RASSF8: variants seen among roughly 807,000 people sequenced by gnomAD.
RASSF8 encodes Ras association domain family member 8, also known as ras association domain-containing protein 8.
In RASSF8, 22 loss-of-function variants were observed where a neutral mutation model predicts 48.5. That is an observed-to-expected ratio of 0.45 (90% CI 0.32 to 0.65). The LOEUF is 0.65. RASSF8 is among the 30% of genes least tolerant of loss of function. RASSF8 has a pLI of 0.03. For synonymous variants in RASSF8, 127 were observed against 171.5 expected (o/e 0.74, Z 2.03); for missense variants, 418 against 489.2 (o/e 0.85, Z 1.37).
intron 2 of RASSF8, among the ~76,000 whole-genome samples, chr12:26,032,603 T>A (rs901892815): frequency 2.6e-5 from 4 of 152,178 alleles, no homozygotes; most frequent in South Asian, 2.1e-4. Flanking sequence ...GCAGTTTTTT[T>A]ATTATATTTA....
At chr12:26,014,664 A>G (rs1942605498) in intron 2 of RASSF8, among the ~76,000 whole-genome samples, 1 of 152,210 alleles carries the variant, frequency 6.6e-6, no homozygotes, top group African/African-American at 2.4e-5. Context: ...AATTTTGACA[A>G]TACTCATAGT....
intron 2 of RASSF8, among the ~76,000 whole-genome samples, chr12:26,034,649 T>C (rs1943095360): frequency 6.6e-6 from 1 of 152,172 alleles, no homozygotes; most frequent in Non-Finnish European, 1.5e-5. Context: ...AAGTAACTCC[T>C]ATTCCTTTTC....
chr12:25,972,117 C>T (rs1034241165), intron 1 of RASSF8, among the ~76,000 whole-genome samples: 1 of 152,018 alleles, frequency 6.6e-6, no homozygotes, highest in Non-Finnish European at 1.5e-5. Flanking sequence ...GAAGACCAAA[C>T]GAATAATTTG....
Position 26,039,127 on chromosome 12 carries a change from C to G in RASSF8, c.-108-16109C>G, listed in dbSNP as rs1943211527. On this transcript the variant is annotated intron_variant, in intron 2 of 5. Coordinates refer to ENST00000689635, the MANE Select transcript of RASSF8 (RefSeq NM_001394098.1). The stretch of plus-strand genomic sequence containing the variant: ...GTGAGTTTCATTGGGGATCCTACTC[C>G]TATGAAATTTGGCATACTGCTCAGG... 2.0e-5 allele frequency among the ~76,000 whole-genome samples: 3 copies of G among 152,244 alleles called. No individual in the cohort carries two copies. In the South Asian group the frequency reaches 6.2e-4, roughly 32 times the overall value.
intron 1 of RASSF8, among the ~76,000 whole-genome samples, chr12:25,975,941 A>C (rs1352915599): frequency 6.6e-6 from 1 of 152,168 alleles, no homozygotes; most frequent in African/African-American, 2.4e-5. Flanking sequence ...GTCTAGACTC[A>C]GTCAGCTTGG....
intron 2 of RASSF8, among the ~76,000 whole-genome samples, chr12:26,015,452 C>CA (rs1451981875): frequency 6.6e-6 from 1 of 152,156 alleles, no homozygotes; most frequent in Non-Finnish European, 1.5e-5. Context: ...ATCTGAGACA[C>CA]AGAGCCGAGA....
chr12:25,983,242 CA>C (rs61155012), intron 1 of RASSF8, among the ~76,000 whole-genome samples: 1 of 151,260 alleles, frequency 6.6e-6, no homozygotes, highest in Non-Finnish European at 1.5e-5. Context: ...ATAAAAATGA[CA>C]AAAAAAATCT....
chr12:26,047,546 T>G (rs529923617), intron 2 of RASSF8, among the ~76,000 whole-genome samples: 1 of 152,344 alleles, frequency 6.6e-6, no homozygotes, highest in Admixed American at 6.5e-5. Context: ...GCATGGGACC[T>G]TGATCCTGTG....
chr12:26,012,149 A>T (rs1942542199), intron 2 of RASSF8, among the ~76,000 whole-genome samples: 2 of 152,160 alleles, frequency 1.3e-5, no homozygotes, highest in African/African-American at 4.8e-5. Flanking sequence ...CCTCTAATGA[A>T]GTGTGTGATC....
intron 1 of RASSF8, among the ~76,000 whole-genome samples, chr12:25,973,012 C>G (rs1371712011): frequency 1.3e-5 from 2 of 151,982 alleles, no homozygotes; most frequent in African/African-American, 2.4e-5. Flanking sequence ...TTGCGTATAA[C>G]TGTAGCTTGT....
intron 2 of RASSF8, among the ~76,000 whole-genome samples, chr12:26,047,383 TG>T (rs1330149219): frequency 6.6e-6 from 1 of 152,246 alleles, no homozygotes; most frequent in African/African-American, 2.4e-5. Context: ...ACTCATTTTA[TG>T]ATCTCTTTTA....
At chr12:26,029,626 G>A (rs1031388913) in intron 2 of RASSF8, among the ~76,000 whole-genome samples, 9 of 152,048 alleles carry the variant, frequency 5.9e-5, no homozygotes, top group Non-Finnish European at 1.2e-4. Context: ...CTTAATTTGA[G>A]ATCCAAAATA....
At chr12:25,969,072 G>A (rs190261943) in intron 1 of RASSF8, among the ~76,000 whole-genome samples, 2 of 152,212 alleles carry the variant, frequency 1.3e-5, no homozygotes, top group African/African-American at 2.4e-5. Flanking sequence ...GGTAAGGCTG[G>A]GGGGAGCAAA....
intron 2 of RASSF8, among the ~76,000 whole-genome samples, chr12:26,007,389 T>G (rs542354833): frequency 2.0e-5 from 3 of 152,354 alleles, no homozygotes; most frequent in Admixed American, 1.3e-4. Flanking sequence ...CAAATCTGTC[T>G]CTCAGACCTG....
downstream of RASSF8, among the ~76,000 whole-genome samples, chr12:26,074,317 G>A (rs1203559638): frequency 6.6e-6 from 1 of 151,796 alleles, no homozygotes; most frequent in Non-Finnish European, 1.5e-5. Flanking sequence ...GGACACTGGA[G>A]TGAGATGCAT....
At chr12:25,959,886 C>G (rs1941188813) in intron 1 of RASSF8, 1 of 152,156 alleles carries the variant, frequency 6.6e-6, no homozygotes. Flanking sequence ...CTTTCCCAGC[C>G]TCAAATGGCA....
At chr12:25,985,673 T>C (rs1285667856) in intron 1 of RASSF8, among the ~76,000 whole-genome samples, 1 of 152,250 alleles carries the variant, frequency 6.6e-6, no homozygotes, top group Non-Finnish European at 1.5e-5. Flanking sequence ...GGAAGTGGTC[T>C]TATCCCCATC....
At chr12:26,006,660 C>T (rs2137004482) in intron 2 of RASSF8, among the ~76,000 whole-genome samples, 1 of 152,274 alleles carries the variant, frequency 6.6e-6, no homozygotes, top group Middle Eastern at 3.4e-3. Flanking sequence ...ACCAGAATAA[C>T]AGTTTAAACC....
chr12:26,073,591 T>C (rs1944037786), downstream of RASSF8, among the ~76,000 whole-genome samples: 1 of 151,686 alleles, frequency 6.6e-6, no homozygotes. Flanking sequence ...AAAAACAAAA[T>C]AGCTGGGCGT....
Sources: allele counts gnomAD v4.1 joint callset (sites outside exome capture counted in the v4.1 genomes callset), GRCh38; gene constraint gnomAD v4.1.1; transcripts MANE v1.5; gene names NCBI Gene and HGNC (gene_info 2026-07-23, HGNC 2026-07-21).